The following ZNF567 variants were observed in gnomAD, a reference collection of about 807,000 sequenced individuals.
ZNF567 encodes the protein zinc finger protein 567.
A neutral mutation model predicts 53.9 loss-of-function variants in ZNF567; 36 were observed. The ratio of observed to expected loss-of-function variants is 0.67; its 90% confidence interval spans 0.51 to 0.88. The LOEUF (loss-of-function observed/expected upper bound fraction) is 0.88, where lower values mean the gene tolerates loss of function less well. Ranked by LOEUF, ZNF567 falls within the 40% of genes least tolerant of loss-of-function variation. The probability of loss-of-function intolerance (pLI) is 0.00; values close to 1 mark genes in which losing one functional copy is unlikely to be tolerated. For synonymous variants in ZNF567, 224 were observed against 260.4 expected, an observed-to-expected ratio of 0.86 and a Z score of 1.35; for missense variants, 619 against 764.7, an observed-to-expected ratio of 0.81 and a Z score of 2.25.
intron 3 of ZNF567, among the ~76,000 whole-genome samples, chr19:36,708,736 T>C (rs1452023656): frequency 2.0e-5 from 3 of 151,426 alleles, no homozygotes; most frequent in African/African-American, 7.4e-5. Context: ...CTATATACCA[T>C]GTAGCCTTTT....
At chr19:36,702,239 G>A (rs1282352206) in intron 3 of ZNF567, among the ~76,000 whole-genome samples, 1 of 152,118 alleles carries the variant, frequency 6.6e-6, no homozygotes, top group Non-Finnish European at 1.5e-5. Context: ...CTTTAAGAAT[G>A]TTGAATATTG....
the ZNF567 span, among the ~76,000 whole-genome samples, chr19:36,672,256 A>G: frequency 6.6e-6 from 1 of 152,224 alleles, no homozygotes; most frequent in Non-Finnish European, 1.5e-5. Context: ...ACTGTAGCCA[A>G]TGGTCTGGCT....
chr19:36,686,369 T>C (rs745583931), upstream of ZNF567: 1 of 152,132 alleles, frequency 6.6e-6, no homozygotes, highest in South Asian at 2.1e-4. Context: ...CCAGATTGGC[T>C]AAATTGGAAA....
chr19:36,700,678 C>A (rs1164370900), intron 3 of ZNF567, among the ~76,000 whole-genome samples: 9 of 152,164 alleles, frequency 5.9e-5, no homozygotes, highest in Admixed American at 5.9e-4. Flanking sequence ...GGAATTTATC[C>A]ATTTCTTCTA....
chr19:36,701,481 T>C (rs1359364572), intron 3 of ZNF567, among the ~76,000 whole-genome samples: 1 of 151,926 alleles, frequency 6.6e-6, no homozygotes, highest in Non-Finnish European at 1.5e-5. Flanking sequence ...GTATCCTTGT[T>C]AACTTTCTGT....
downstream of ZNF567, among the ~76,000 whole-genome samples, chr19:36,724,380 C>T (rs2040326744): frequency 6.6e-6 from 1 of 151,054 alleles, no homozygotes; most frequent in East Asian, 2.0e-4. Context: ...AATGGCAATG[C>T]AAAAAGGTTC....
At chr19:36,712,987 G>T in intron 5 of ZNF567, 120 bp downstream of exon 5, 1 of 762,982 alleles carries the variant, frequency 1.3e-6, no homozygotes, top group Admixed American at 3.0e-5. Context: ...CTTGACCTCT[G>T]AAAACCTTCA....
chr19:36,724,004 CTTTTTTTTT>C (rs536627641), downstream of ZNF567, among the ~76,000 whole-genome samples: 2 of 98,384 alleles, frequency 2.0e-5, no homozygotes, highest in African/African-American at 8.3e-5. Flanking sequence ...TTCTGTATTT[CTTTTTTTTT>C]TTTTTTTTTT....
At chr19:36,694,419 A>G (rs1345152837) in intron 2 of ZNF567, among the ~76,000 whole-genome samples, 2 of 152,200 alleles carry the variant, frequency 1.3e-5, no homozygotes, top group African/African-American at 2.4e-5. Context: ...ACAAGCATAA[A>G]AAAATTTGTA....
chr19:36,688,486 A>T (rs1312510744), intron 1 of ZNF567, among the ~76,000 whole-genome samples: 2 of 151,912 alleles, frequency 1.3e-5, no homozygotes, highest in African/African-American at 4.8e-5. Flanking sequence ...GGAGAGGAAG[A>T]GGCAAAATAA....
intron 5 of ZNF567, among the ~76,000 whole-genome samples, chr19:36,716,120 T>A (rs1022008817): frequency 1.3e-4 from 20 of 152,198 alleles, no homozygotes; most frequent in South Asian, 2.1e-4. Flanking sequence ...CCTTTTTTTT[T>A]ATCATTTATT....
chr19:36,667,689 G>A, the ZNF567 span, among the ~76,000 whole-genome samples: 9 of 137,664 alleles, frequency 6.5e-5, no homozygotes, highest in East Asian at 2.0e-3. Context: ...TCTCGCTGTC[G>A]CCCAGGCTGG....
At chr19:36,681,668 G>A in the ZNF567 span, among the ~76,000 whole-genome samples, 1 of 151,714 alleles carries the variant, frequency 6.6e-6, no homozygotes, top group Non-Finnish European at 1.5e-5. Flanking sequence ...GGGCTCAAGC[G>A]ATTGGCCCAC....
intron 3 of ZNF567, among the ~76,000 whole-genome samples, chr19:36,708,076 T>G (rs1433648957): frequency 6.6e-6 from 1 of 151,648 alleles, no homozygotes; most frequent in South Asian, 2.1e-4. Context: ...TTAAATTTTT[T>G]GTAGAGACAG....
chr19:36,677,613 A>G, the ZNF567 span, among the ~76,000 whole-genome samples: 1 of 151,344 alleles, frequency 6.6e-6, no homozygotes, highest in African/African-American at 2.4e-5. Flanking sequence ...CTAAAAATAC[A>G]AAAGTTAGCC....
chr19:36,720,688 G>T lies in ZNF567; in HGVS notation c.*20G>T. 1 of 1,504,756 alleles carries T rather than the reference G, an allele frequency of 6.6e-7. No individual in the cohort carries two copies. The highest frequency in any genetic ancestry group is 1.4e-5 in the South Asian group (1 of 69,664). The allele number at this position is 1,504,756 out of a possible 1,614,324, so 93.2% of individuals were successfully genotyped here. On this transcript the variant is annotated 3_prime_UTR_variant, in exon 6 of 6. Coordinates refer to ENST00000682579, the MANE Select transcript of ZNF567 (RefSeq NM_001322917.1). ...CAATAAATGATGTGGTTTCTTATAT[G>T]AATTCTTTACAAGCTGTTGTAAACA...
At chr19:36,673,500 T>C in the ZNF567 span, among the ~76,000 whole-genome samples, 2 of 152,150 alleles carry the variant, frequency 1.3e-5, no homozygotes, top group South Asian at 4.1e-4. Flanking sequence ...TTCTTAATAG[T>C]ACAAAGGCTA....
chr19:36,696,676 G>C (rs1415956684), intron 3 of ZNF567, among the ~76,000 whole-genome samples: 1 of 152,018 alleles, frequency 6.6e-6, no homozygotes, highest in African/African-American at 2.4e-5. Context: ...TCCTTATTTG[G>C]GTTCCTTTCT....
downstream of ZNF567, among the ~76,000 whole-genome samples, chr19:36,725,665 G>T (rs1445473076): frequency 6.6e-6 from 1 of 152,046 alleles, no homozygotes; most frequent in Non-Finnish European, 1.5e-5. Flanking sequence ...TGTAGTAGGG[G>T]AGAGGGGATG....
Sources: gnomAD v4.1 joint callset for allele counts (sites outside exome capture counted in the v4.1 genomes callset) on GRCh38, gnomAD v4.1.1 for gene constraint, MANE v1.5 for transcripts, NCBI Gene and HGNC (gene_info 2026-07-23, HGNC 2026-07-21) for gene names.